The following CMTM4 variants were observed in gnomAD, a reference collection of about 807,000 sequenced individuals.
CMTM4 encodes the protein CKLF-like MARVEL transmembrane domain-containing protein 4.
A neutral mutation model predicts 19.0 loss-of-function variants in CMTM4; 8 were observed. The ratio of observed to expected loss-of-function variants is 0.42; its 90% confidence interval spans 0.25 to 0.76. The LOEUF is 0.76. CMTM4 is among the 30% of genes least tolerant of loss of function. The pLI is 0.27. For synonymous variants in CMTM4, 106 were observed against 121.1 expected (o/e 0.88, Z 0.82); for missense variants, 228 against 290.2 (o/e 0.79, Z 1.56).
intron 1 of CMTM4, among the ~76,000 whole-genome samples, chr16:66,673,680 C>G (rs973359459): frequency 3.3e-4 from 50 of 152,196 alleles, no homozygotes; most frequent in African/African-American, 1.1e-3. Flanking sequence ...ACAAGCCAGA[C>G]AGCAATGTTT....
intron 1 of CMTM4, among the ~76,000 whole-genome samples, chr16:66,670,578 G>C (rs113871032): frequency 6.6e-6 from 1 of 151,874 alleles, no homozygotes; most frequent in Non-Finnish European, 1.5e-5. Context: ...GAGGTAGGCG[G>C]ATCACGAGGT....
intron 1 of CMTM4, among the ~76,000 whole-genome samples, chr16:66,672,715 T>A (rs1017275524): frequency 3.3e-5 from 5 of 151,852 alleles, no homozygotes; most frequent in Non-Finnish European, 7.4e-5. Context: ...GTTCAAGCGA[T>A]TCTCCTGCCT....
rs1179893599 is a variant in CMTM4, at chr16:66,617,120, C to T, written c.*4938G>A. On this transcript the variant is annotated 3_prime_UTR_variant, in exon 4 of 4. Transcript: ENST00000394106. ...GGGGTCCAAGCCAAAGGCTCCCTGGCCTTTGTGTATTATGCATCCCAAAGA... is the reference window on the plus strand; with the variant it reads ...GGGGTCCAAGCCAAAGGCTCCCTGGTCTTTGTGTATTATGCATCCCAAAGA... 1 of 652,378 alleles carries T rather than the reference C, an allele frequency of 1.5e-6. No homozygotes were observed. Among genetic ancestry groups the T allele is most frequent in the African/African-American group, 1.8e-5 (1 of 54,418 alleles). The allele number at this position is 652,378 out of a possible 1,614,324, so 40.4% of individuals were successfully genotyped here.
intron 1 of CMTM4, among the ~76,000 whole-genome samples, chr16:66,664,935 C>T (rs909484667): frequency 1.3e-5 from 2 of 151,794 alleles, no homozygotes; most frequent in African/African-American, 4.8e-5. Flanking sequence ...TCAAGGCCAG[C>T]CTGGGTGACA....
intron 1 of CMTM4, among the ~76,000 whole-genome samples, chr16:66,673,485 C>T (rs924309409): frequency 2.0e-5 from 3 of 151,990 alleles, no homozygotes; most frequent in African/African-American, 7.2e-5. Flanking sequence ...TGGAATTAGA[C>T]ATAAGCCACT....
chr16:66,599,883 A>C, the CMTM4 span, among the ~76,000 whole-genome samples: 1 of 152,084 alleles, frequency 6.6e-6, no homozygotes, highest in Non-Finnish European at 1.5e-5. Context: ...CATCCTCACC[A>C]GCAGCTGGTA....
chr16:66,651,947 T>A (rs1393315162), intron 1 of CMTM4, among the ~76,000 whole-genome samples: 2 of 152,236 alleles, frequency 1.3e-5, no homozygotes. Context: ...CCAAGGTGTT[T>A]GCATGTGATC....
At chr16:66,670,393 G>A (rs751253763) in intron 1 of CMTM4, among the ~76,000 whole-genome samples, 1 of 146,672 alleles carries the variant, frequency 6.8e-6, no homozygotes, top group African/African-American at 2.5e-5. Context: ...GGCAGAGGCT[G>A]CAGCGAGCCA....
At chr16:66,674,700 A>G (rs1248391046) in intron 1 of CMTM4, among the ~76,000 whole-genome samples, 1 of 149,938 alleles carries the variant, frequency 6.7e-6, no homozygotes, top group Admixed American at 6.6e-5. Flanking sequence ...CAGACCTCAC[A>G]GAGGACCAAG....
intron 1 of CMTM4, among the ~76,000 whole-genome samples, chr16:66,636,784 AAATTACTAATGT>A (rs1403973658): frequency 6.6e-6 from 1 of 152,186 alleles, no homozygotes; most frequent in African/African-American, 2.4e-5. Flanking sequence ...TGGAAGGATC[AAATTACTAATGT>A]AAACAGTGAA....
chr16:66,610,697 A>G (rs898841417), downstream of CMTM4, among the ~76,000 whole-genome samples: 11 of 152,164 alleles, frequency 7.2e-5, no homozygotes, highest in Admixed American at 6.5e-5. This position sits in a 1 kb window ranked among gnomAD's most constrained non-coding sequence, Gnocchi z 4.6. Flanking sequence ...GCTTCTCTGG[A>G]CCAGGCGGAT....
At chr16:66,673,822 C>T (rs1413764912) in intron 1 of CMTM4, among the ~76,000 whole-genome samples, 2 of 152,250 alleles carry the variant, frequency 1.3e-5, no homozygotes, top group South Asian at 2.1e-4. Flanking sequence ...ATGTTTGCAA[C>T]TTCCGCTCAG....
At chr16:66,671,977 A>G (rs1343482010) in intron 1 of CMTM4, among the ~76,000 whole-genome samples, 1 of 152,048 alleles carries the variant, frequency 6.6e-6, no homozygotes, top group Non-Finnish European at 1.5e-5. Flanking sequence ...GTGGTGAGCC[A>G]TGATCATGAC....
intron 2 of CMTM4, among the ~76,000 whole-genome samples, chr16:66,632,569 C>A (rs1223038482): frequency 2.0e-5 from 3 of 152,146 alleles, no homozygotes; most frequent in Non-Finnish European, 4.4e-5. Context: ...AAGGCAAGTG[C>A]AGACCTCCTC....
rs1291959331 is a variant in CMTM4, at chr16:66,652,439, TTCAA to T, written c.187-15862_187-15859del. Among the ~76,000 whole-genome samples the T allele has an allele frequency of 2.6e-5, 4 of 152,342 alleles. No homozygotes were observed. The East Asian group carries it at 7.7e-4, about 29-fold the overall frequency. On this transcript the variant is annotated intron_variant, in intron 1 of 3. Coordinates refer to ENST00000394106, the MANE Select transcript of CMTM4 (RefSeq NM_181521.3). ...GTGTGGCCTGTGTCACTAAGGCCTA[TTCAA>T]TCAGTGTCCCTGACAGATGTTTCAA...
At chr16:66,688,079 T>C (rs2017068903) in intron 1 of CMTM4, among the ~76,000 whole-genome samples, 1 of 152,068 alleles carries the variant, frequency 6.6e-6, no homozygotes, top group Admixed American at 6.6e-5. Context: ...AGTATCTGAG[T>C]GAGGGCCCAT....
chr16:66,677,273 C>T (rs1394446105), intron 1 of CMTM4, among the ~76,000 whole-genome samples: 1 of 152,178 alleles, frequency 6.6e-6, no homozygotes, highest in Non-Finnish European at 1.5e-5. Context: ...AAACCAGTGA[C>T]GCCAGGCATG....
At chr16:66,605,227 G>A in the CMTM4 span, 1 of 333,412 alleles carries the variant, frequency 3.0e-6, no homozygotes, top group Non-Finnish European at 5.5e-6. This position sits in a 1 kb window ranked among gnomAD's most constrained non-coding sequence, Gnocchi z 4.6. Flanking sequence ...GCCCGGGGAT[G>A]TGGGTCCTGC....
the CMTM4 span, among the ~76,000 whole-genome samples, chr16:66,601,221 T>A: frequency 2.0e-5 from 3 of 152,066 alleles, no homozygotes; most frequent in Non-Finnish European, 4.4e-5. Flanking sequence ...CAGTGGCACC[T>A]TTGCCAGAGT....
Sources: gnomAD v4.1 joint callset for allele counts (sites outside exome capture counted in the v4.1 genomes callset) on GRCh38, gnomAD v4.1.1 for gene constraint, Gnocchi (gnomAD v3.1) non-coding constraint, MANE v1.5 for transcripts, NCBI Gene and HGNC (gene_info 2026-07-23, HGNC 2026-07-21) for gene names.